The following PKD2 variants were observed in gnomAD, a reference collection of about 807,000 sequenced individuals.
PKD2 encodes polycystin-2.
PKD2 carries 48 observed loss-of-function variants against 105.9 expected under a neutral mutation model. The observed-to-expected ratio is 0.45, with a 90% CI of 0.36 to 0.58. The LOEUF is 0.58. Ranked by LOEUF, PKD2 falls within the 20% of genes least tolerant of loss-of-function variation. The pLI is 0.00. For missense variants in PKD2, 1,078 were observed against 1,255.3 expected (o/e 0.86, Z 2.13); for synonymous variants, 464 against 481.1 (o/e 0.96, Z 0.46).
At position 88,058,088 on chromosome 4, in the gene PKD2, G is replaced by T. The variant is rs763775477; in HGVS notation, c.2004G>T (p.Met668Ile). 6.5e-7 allele frequency: 1 copy of T among 1,538,000 alleles called. No homozygotes were observed. The highest frequency in any genetic ancestry group is 1.4e-5 in the African/African-American group (1 of 73,340). ...ATTTCACTACATTTGTGTTCTTTAT[G>T]TTCTTCATTCTTTTGGTATGTACAT... Reference protein sequence around the residue: ...PIYFTTFVFFMFFILLNMFLA... With the variant: ...PIYFTTFVFFIFFILLNMFLA... Residue 668 changes from methionine to isoleucine, a missense_variant, in exon 9 of 15, where the codon ATG becomes ATT. Met to Ile is a conservative substitution (Grantham distance 10). Around this residue, in one of 2 missense-constraint regions of PKD2, gnomAD observed 868 missense variants for 1,067.3 expected, o/e 0.81. Transcript: ENST00000237596.
chr4:88,032,586 T>A (rs961040509), intron 2 of PKD2, among the ~76,000 whole-genome samples: 4 of 152,204 alleles, frequency 2.6e-5, no homozygotes, highest in Admixed American at 2.0e-4. Context: ...GTATGTGTCC[T>A]TTATATGTTT....
intron 12 of PKD2, 43 bp from the exon 13 acceptor site, chr4:88,067,855 T>A (rs745400022): frequency 1.5e-5 from 23 of 1,583,538 alleles, no homozygotes; most frequent in East Asian, 2.2e-5. Flanking sequence ...TTCTGTGGGG[T>A]CTCAGTGTTC....
Position 88,077,225 on chromosome 4 carries a change from A to G in PKD2, c.*1531A>G, listed in dbSNP as rs1721266598. 1 of 152,646 alleles carries G rather than the reference A, an allele frequency of 6.6e-6. No individual in the cohort carries two copies. Among genetic ancestry groups the G allele is most frequent in the Non-Finnish European group, 1.5e-5 (1 of 68,036 alleles). The allele number at this position is 152,646 out of a possible 1,614,324, so 9.5% of individuals were successfully genotyped here. On this transcript the variant is annotated 3_prime_UTR_variant, in exon 15 of 15. Transcript: ENST00000237596. The stretch of plus-strand genomic sequence containing the variant: ...TGGTAGAATGTCAGTCCAATCTCCA[A>G]TGAGAACATGAGCAAATAGACCTTT...
chr4:88,069,660 A>G (rs1272912912), intron 13 of PKD2, among the ~76,000 whole-genome samples: 1 of 152,068 alleles, frequency 6.6e-6, no homozygotes, highest in Non-Finnish European at 1.5e-5. Flanking sequence ...CATTTTTATA[A>G]CACACTGTGT....
At chr4:88,033,652 T>C (rs559342338) in intron 2 of PKD2, among the ~76,000 whole-genome samples, 2 of 152,308 alleles carry the variant, frequency 1.3e-5, no homozygotes, top group South Asian at 2.1e-4. Context: ...TACATACTTA[T>C]ATATAGTTAT....
At chr4:88,040,378 C>G (rs1211848128) in intron 4 of PKD2, among the ~76,000 whole-genome samples, 1 of 152,176 alleles carries the variant, frequency 6.6e-6, no homozygotes. Flanking sequence ...TGAACAATGC[C>G]TCATATGTAA....
chr4:88,027,594 G>C (rs748722967), intron 2 of PKD2, among the ~76,000 whole-genome samples: 1 of 152,162 alleles, frequency 6.6e-6, no homozygotes, highest in Non-Finnish European at 1.5e-5. Context: ...GGTTCTGTTG[G>C]GAAGGCGTAT....
intron 1 of PKD2, among the ~76,000 whole-genome samples, chr4:88,011,320 C>T (rs1726373755): frequency 6.8e-6 from 1 of 148,106 alleles, no homozygotes; most frequent in Non-Finnish European, 1.5e-5. Flanking sequence ...GGCGTATATT[C>T]TTGGGCTTTT....
chr4:88,073,300 G>A (rs1042707679), intron 13 of PKD2, among the ~76,000 whole-genome samples: 11 of 151,884 alleles, frequency 7.2e-5, no homozygotes, highest in African/African-American at 2.4e-4. Context: ...GCAGGCAGGC[G>A]GATCACCTGA....
At position 88,075,469 on chromosome 4, in the gene PKD2, G is replaced by A. The variant is rs1327898086; in HGVS notation, c.2682G>A (p.Leu894=). 1 of 1,613,540 alleles carries A rather than the reference G, an allele frequency of 6.2e-7. No homozygotes were observed. The highest frequency in any genetic ancestry group is 1.3e-5 in the African/African-American group (1 of 74,914). The change falls in exon 15 of 15, where the codon CTG becomes CTA. Residue 894 remains leucine (L), a synonymous_variant. Transcript: ENST00000237596. ...TTTTCCCTTTTTAGGATGAAAGGCT[G>A]GGTCGTGACAGTGAAATCCATAGGG... ...LLDGVAEDER[L]GRDSEIHREQ... is the part of the protein sequence containing the mutation.
intron 2 of PKD2, chr4:88,035,945 A>T (rs1055746816): frequency 2.2e-6 from 1 of 461,004 alleles, no homozygotes; most frequent in Non-Finnish European, 4.0e-6. Context: ...CTAAATATCA[A>T]GTAAACGTTC....
intron 8 of PKD2, among the ~76,000 whole-genome samples, chr4:88,057,537 G>A (rs1720405662): frequency 6.6e-6 from 1 of 150,832 alleles, no homozygotes; most frequent in Non-Finnish European, 1.5e-5. Flanking sequence ...CCGGGTTCAA[G>A]CGATTCTCCT....
At chr4:88,028,196 AAAG>A (rs1727024717) in intron 2 of PKD2, among the ~76,000 whole-genome samples, 1 of 152,244 alleles carries the variant, frequency 6.6e-6, no homozygotes, top group Non-Finnish European at 1.5e-5. Context: ...GTATTCTGAA[AAAG>A]AAAGGAATAT....
chr4:88,051,728 A>G (rs1720109193), intron 6 of PKD2, among the ~76,000 whole-genome samples: 1 of 152,200 alleles, frequency 6.6e-6, no homozygotes. Context: ...TGTGTAATGT[A>G]TATGTGCACA....
At position 88,008,268 on chromosome 4, in the gene PKD2, C is replaced by G; in HGVS notation, c.535C>G (p.Pro179Ala). The G allele has an allele frequency of 1.4e-6, 2 of 1,471,926 alleles. No homozygotes were observed. The highest frequency in any genetic ancestry group is 1.3e-5 in the South Asian group (1 of 77,164). 91.2% of individuals were successfully genotyped at this position (1,471,926 alleles called of 1,614,324 possible). Residue 179 changes from proline (P) to alanine (A), a missense_variant, in exon 1 of 15, where the codon CCC becomes GCC. Physicochemically the swap from Pro to Ala is conservative, Grantham distance 27. Coordinates refer to ENST00000237596, the MANE Select transcript of PKD2 (RefSeq NM_000297.4). ...CGGGGACCCGCTGCATCGCCACCTC[C>G]CCCTGGAAGGGCAGCCGCCCCGAGT... ...GGGDPLHRHL[P>A]LEGQPPRVAW...
rs753789248 is a variant in PKD2, at chr4:88,075,680, A to G, written c.2893A>G (p.Asn965Asp). Reference protein sequence around the residue: ...MEGAGGNGSSNVHV With the variant: ...MEGAGGNGSSDVHV Reference sequence around the variant, plus strand: ...AGGTGCAGGTGGAAATGGGAGTTCTAATGTCCACGTATGATATGTGTGTTT... The same window carrying G: ...AGGTGCAGGTGGAAATGGGAGTTCTGATGTCCACGTATGATATGTGTGTTT... The change falls in exon 15 of 15, where the codon AAT (asparagine) becomes GAT (aspartate). Residue 965 changes from asparagine (N) to aspartate (D), a missense_variant. Physicochemically the swap from Asn to Asp is conservative, Grantham distance 23. Transcript: ENST00000237596. 5.6e-6 allele frequency: 9 copies of G among 1,609,286 alleles called. No homozygotes were observed. The highest frequency in any genetic ancestry group is 1.3e-5 in the African/African-American group (1 of 74,948).
chr4:88,027,385 G>T lies in PKD2; in HGVS notation c.709+7814G>T, dbSNP rs146710198. Among the ~76,000 whole-genome samples, 757 of 152,318 alleles carry T rather than the reference G, an allele frequency of 5.0e-3. 9 individuals carry two copies. Among genetic ancestry groups the T allele is most frequent in the African/African-American group, 0.017 (718 of 41,558 alleles). ...CTGTCGAGTTTCAGACTTGAATGGG[G>T]CCTGTGACCCCTTTGTTTTGGCCAA... is the stretch of plus-strand genomic sequence containing the variant. On this transcript the variant is annotated intron_variant, in intron 2 of 14. Coordinates refer to ENST00000237596, the MANE Select transcript of PKD2 (RefSeq NM_000297.4).
chr4:88,064,509 T>C (rs1720712862), intron 10 of PKD2, among the ~76,000 whole-genome samples: 1 of 152,184 alleles, frequency 6.6e-6, no homozygotes. Context: ...TCCCACTGAT[T>C]ATTCAGATCA....
chr4:88,021,252 T>C (rs1726737266), intron 2 of PKD2, among the ~76,000 whole-genome samples: 1 of 152,116 alleles, frequency 6.6e-6, no homozygotes. Context: ...TTAAAATACA[T>C]ATGTGGTTTT....
Sources: allele counts gnomAD v4.1 joint callset (sites outside exome capture counted in the v4.1 genomes callset), GRCh38; gene constraint gnomAD v4.1.1; regional missense constraint gnomAD v4.1.1; transcripts MANE v1.5; gene names NCBI Gene and HGNC (gene_info 2026-07-23, HGNC 2026-07-21).